Variants in MAPK8 observed in about 807,000 individuals in gnomAD.
MAPK8 encodes mitogen-activated protein kinase 8.
In MAPK8, 13 loss-of-function variants were observed where a neutral mutation model predicts 52.9. That is an observed-to-expected ratio of 0.25 (90% CI 0.16 to 0.39). The LOEUF (loss-of-function observed/expected upper bound fraction) is 0.39, where lower values mean the gene tolerates loss of function less well. MAPK8 is among the 10% of genes least tolerant of loss of function. The pLI is 1.00. For missense variants in MAPK8, 300 were observed against 519.2 expected (o/e 0.58, Z 4.10); for synonymous variants, 191 against 169.8 (o/e 1.12, Z -0.97).
At chr10:48,347,129 C>A (rs1480607055) in intron 1 of MAPK8, among the ~76,000 whole-genome samples, 1 of 152,130 alleles carries the variant, frequency 6.6e-6, no homozygotes, top group African/African-American at 2.4e-5. Flanking sequence ...GACCCACCGA[C>A]CCTGTGGGGC....
At chr10:48,334,143 G>A (rs1844431837) in intron 1 of MAPK8, among the ~76,000 whole-genome samples, 1 of 152,198 alleles carries the variant, frequency 6.6e-6, no homozygotes, top group African/African-American at 2.4e-5. Context: ...CTGTGTTTAG[G>A]ACACCTCATT....
At chr10:48,377,075 G>T (rs955271417) in intron 1 of MAPK8, among the ~76,000 whole-genome samples, 4 of 152,110 alleles carry the variant, frequency 2.6e-5, no homozygotes, top group African/African-American at 7.2e-5. Context: ...AGGGACATGG[G>T]TGAAGCTGGA....
intron 1 of MAPK8, among the ~76,000 whole-genome samples, chr10:48,364,539 C>T (rs1348427530): frequency 6.6e-6 from 1 of 152,050 alleles, no homozygotes. Flanking sequence ...GAATGCTTAT[C>T]ATGTGCCAGT....
At chr10:48,344,617 ATCT>A (rs1282305923) in intron 1 of MAPK8, among the ~76,000 whole-genome samples, 1 of 152,242 alleles carries the variant, frequency 6.6e-6, no homozygotes, top group Non-Finnish European at 1.5e-5. Flanking sequence ...TGCAAGATTA[ATCT>A]TCTTGAGTAA....
At chr10:48,372,875 A>G (rs1190140424) in intron 1 of MAPK8, among the ~76,000 whole-genome samples, 1 of 152,088 alleles carries the variant, frequency 6.6e-6, no homozygotes, top group Non-Finnish European at 1.5e-5. Context: ...AATTCAGGAA[A>G]ATACGGAGAA....
chr10:48,319,948 C>T (rs1030871059), intron 1 of MAPK8, among the ~76,000 whole-genome samples: 1 of 148,768 alleles, frequency 6.7e-6, no homozygotes, highest in African/African-American at 2.5e-5. Context: ...CAGAGTTTCA[C>T]CCTTGTTGCC....
rs923817593 is a variant in MAPK8, at chr10:48,438,930, A to G, written c.*3901A>G. ...TAGTAAAAATTTTACGAAGAAATAA[A>G]TTACTTTTGTAGGCCCAATATTTGG... On this transcript the variant is annotated 3_prime_UTR_variant, in exon 12 of 12. Transcript: ENST00000374189. The G allele has an allele frequency of 2.0e-5, 3 of 152,198 alleles. No individual in the cohort carries two copies. The highest frequency in any genetic ancestry group is 1.3e-4 in the Admixed American group (2 of 15,276). The allele number at this position is 152,198 out of a possible 1,614,324, so 9.4% of individuals were successfully genotyped here.
chr10:48,394,886 A>G (rs981598541), intron 1 of MAPK8, among the ~76,000 whole-genome samples: 17 of 151,946 alleles, frequency 1.1e-4, no homozygotes, highest in African/African-American at 4.1e-4. Flanking sequence ...GCATTTCTAC[A>G]TACTAGTAAT....
At chr10:48,403,964 T>C (rs2042311022) in intron 2 of MAPK8, among the ~76,000 whole-genome samples, 1 of 150,962 alleles carries the variant, frequency 6.6e-6, no homozygotes, top group African/African-American at 2.4e-5. Flanking sequence ...TGTGTATTTT[T>C]AGTAGAGACA....
intron 1 of MAPK8, among the ~76,000 whole-genome samples, chr10:48,334,355 GTC>G (rs1844459770): frequency 2.0e-5 from 3 of 152,084 alleles, no homozygotes; most frequent in Admixed American, 6.5e-5. Context: ...CGCTTTGTCT[GTC>G]TCTGGCCGTT....
intron 1 of MAPK8, among the ~76,000 whole-genome samples, chr10:48,360,480 G>A (rs1589065216): frequency 1.3e-5 from 2 of 152,220 alleles, no homozygotes; most frequent in African/African-American, 4.8e-5. Context: ...AAAAGCATAA[G>A]CAAATGTGTG....
chr10:48,341,549 T>C lies in MAPK8; in HGVS notation c.-50+34728T>C, dbSNP rs140678206. ...GGTTACAAGCATTTTGGATAAAAGA[T>C]ACTCAAGCTATAGTAGATTTCATTT... On this transcript the variant is annotated intron_variant, in intron 1 of 11. Coordinates refer to ENST00000374189, the MANE Select transcript of MAPK8 (RefSeq NM_001323329.2). 8.7e-4 allele frequency among the ~76,000 whole-genome samples: 133 copies of C among 152,354 alleles called. 1 individual carries two copies. The highest frequency in any genetic ancestry group is 3.0e-3 in the African/African-American group (125 of 41,588).
intron 1 of MAPK8, among the ~76,000 whole-genome samples, chr10:48,372,590 A>G (rs1039036096): frequency 6.6e-6 from 1 of 152,124 alleles, no homozygotes. Context: ...ACAAGTATCA[A>G]TAGCTGAATC....
At chr10:48,408,923 G>C (rs1355466327) in intron 3 of MAPK8, among the ~76,000 whole-genome samples, 2 of 152,194 alleles carry the variant, frequency 1.3e-5, no homozygotes, top group Non-Finnish European at 2.9e-5. Flanking sequence ...TGCTCAAGGA[G>C]AGGGAGAGAA....
At chr10:48,360,751 C>G (rs1257646488) in intron 1 of MAPK8, among the ~76,000 whole-genome samples, 1 of 151,946 alleles carries the variant, frequency 6.6e-6, no homozygotes, top group Non-Finnish European at 1.5e-5. Flanking sequence ...TTGGTAAGAG[C>G]CAAAACCGAA....
chr10:48,434,847 C>CTGCAACTGATT (rs765066904), intron 11 of MAPK8, 37 bp from the exon 12 acceptor site: 5 of 1,574,704 alleles, frequency 3.2e-6, no homozygotes, highest in Non-Finnish European at 4.3e-6. Flanking sequence ...CTGCAGCTGT[C>CTGCAACTGATT]TGCAACTGAT....
At position 48,322,677 on chromosome 10, in the gene MAPK8, A is replaced by G. The variant is rs150919270; in HGVS notation, c.-50+15856A>G. ...CTTGGGCCCTTAACTCCAATATTTAATCCTCTCTAGTCATGTAAATCTATT... is the reference window on the plus strand; with the variant it reads ...CTTGGGCCCTTAACTCCAATATTTAGTCCTCTCTAGTCATGTAAATCTATT... On this transcript the variant is annotated intron_variant, in intron 1 of 11. Transcript: ENST00000374189. Among the ~76,000 whole-genome samples, 421 of 152,138 alleles carry G rather than the reference A, an allele frequency of 2.8e-3. 1 individual carries two copies. The highest frequency in any genetic ancestry group is 9.3e-3 in the African/African-American group (387 of 41,492).
chr10:48,396,509 A>G (rs2132911477), intron 1 of MAPK8, among the ~76,000 whole-genome samples: 1 of 152,306 alleles, frequency 6.6e-6, no homozygotes, highest in South Asian at 2.1e-4. Context: ...GTGCAAAATG[A>G]TACAGCACTC....
intron 1 of MAPK8, among the ~76,000 whole-genome samples, chr10:48,354,388 GAT>G (rs1846640858): frequency 6.6e-6 from 1 of 152,196 alleles, no homozygotes; most frequent in Non-Finnish European, 1.5e-5. Flanking sequence ...TGATGAATCT[GAT>G]ACGTTCTTCC....
Sources: gnomAD v4.1 joint callset for allele counts (sites outside exome capture counted in the v4.1 genomes callset) on GRCh38, gnomAD v4.1.1 for gene constraint, MANE v1.5 for transcripts, NCBI Gene and HGNC (gene_info 2026-07-23, HGNC 2026-07-21) for gene names.